The following NCKAP5 variants were observed in gnomAD, a reference collection of about 807,000 sequenced individuals.
NCKAP5 encodes the protein nck-associated protein 5.
A neutral mutation model predicts 167.0 loss-of-function variants in NCKAP5; 92 were observed. That is an observed-to-expected ratio of 0.55 (90% confidence interval 0.47 to 0.66). The LOEUF is 0.66. NCKAP5 is among the 30% of genes least tolerant of loss of function. NCKAP5 has a pLI of 0.00. For synonymous variants in NCKAP5, 891 were observed against 877.4 expected (o/e 1.02, Z -0.27); for missense variants, 2,378 against 2,315.0 (o/e 1.03, Z -0.56).
the NCKAP5 span, among the ~76,000 whole-genome samples, chr2:133,595,168 A>G: frequency 1.3e-5 from 2 of 152,204 alleles, no homozygotes; most frequent in Non-Finnish European, 2.9e-5. Flanking sequence ...AGTAAGGTCA[A>G]GAACAAAGAG....
rs536591263 is a variant in NCKAP5 at position 133,072,146 on chromosome 2, A to G, written c.341+57832T>C. ...GTTGCCCAGGCTGGAGTGCAATGGCATGATCTCGGCTCACTACAACCTCTG... is the reference window on the plus strand; with the variant it reads ...GTTGCCCAGGCTGGAGTGCAATGGCGTGATCTCGGCTCACTACAACCTCTG... On this transcript the variant is annotated intron_variant, in intron 6 of 19. Transcript: ENST00000409261. Among the ~76,000 whole-genome samples the G allele has an allele frequency of 1.3e-4, 19 of 150,514 alleles. No homozygotes were observed. In the South Asian group the frequency reaches 4.0e-3, roughly 32 times the overall value.
At chr2:133,348,518 A>T (rs1046657643) in intron 3 of NCKAP5, among the ~76,000 whole-genome samples, 16 of 152,140 alleles carry the variant, frequency 1.1e-4, no homozygotes, top group Non-Finnish European at 1.9e-4. Context: ...GCCCTACTAT[A>T]GCCAACATCA....
At chr2:133,201,185 C>T (rs1376195877) in intron 5 of NCKAP5, among the ~76,000 whole-genome samples, 5 of 152,240 alleles carry the variant, frequency 3.3e-5, no homozygotes, top group Non-Finnish European at 4.4e-5. Context: ...GTGACTACAG[C>T]GTGAATCTGC....
the NCKAP5 span, among the ~76,000 whole-genome samples, chr2:133,666,266 C>T: frequency 2.1e-5 from 3 of 146,128 alleles, no homozygotes; most frequent in Non-Finnish European, 3.0e-5. Context: ...GGCGCGATCT[C>T]GGCTCACTGC....
At chr2:133,194,433 TTTCCTGGC>T (rs1373467731) in intron 5 of NCKAP5, among the ~76,000 whole-genome samples, 1 of 152,086 alleles carries the variant, frequency 6.6e-6, no homozygotes, top group Admixed American at 6.6e-5. Flanking sequence ...AACAAGTCAG[TTTCCTGGC>T]TTCCTGACTT....
intron 6 of NCKAP5, among the ~76,000 whole-genome samples, chr2:133,096,704 T>G (rs1231197821): frequency 6.6e-6 from 1 of 152,050 alleles, no homozygotes; most frequent in Non-Finnish European, 1.5e-5. Context: ...AGGCCTCCCC[T>G]AGGTGGTGGA....
At chr2:133,496,393 A>G (rs753367575) in intron 3 of NCKAP5, among the ~76,000 whole-genome samples, 1 of 151,900 alleles carries the variant, frequency 6.6e-6, no homozygotes, top group Admixed American at 6.6e-5. Context: ...GCTCATGTTC[A>G]TCTCCCTTCC....
chr2:133,364,784 C>T (rs984771156), intron 3 of NCKAP5, among the ~76,000 whole-genome samples: 2 of 151,280 alleles, frequency 1.3e-5, no homozygotes, highest in African/African-American at 4.9e-5. Context: ...GACAGAGTCT[C>T]AATACTGTCA....
rs760045309 is a variant in NCKAP5 at position 133,044,559 on chromosome 2, A to C, written c.342-50320T>G. ...CACAAACAATAGATGGACCAAAAAA[A>C]ATTAAGTCTGGCAAAATCAAAACTT... On this transcript the variant is annotated intron_variant, in intron 6 of 19. Transcript: ENST00000409261. Among the ~76,000 whole-genome samples the C allele has an allele frequency of 2.2e-4, 34 of 152,292 alleles. 1 individual carries two copies. Among genetic ancestry groups the C allele is most frequent in the Admixed American group, 5.2e-4 (8 of 15,286 alleles).
chr2:132,771,777 G>A (rs1471088194), intron 16 of NCKAP5, among the ~76,000 whole-genome samples: 9 of 148,076 alleles, frequency 6.1e-5, no homozygotes, highest in African/African-American at 9.9e-5. Flanking sequence ...GGTTCACACC[G>A]TTCTCCTGCC....
intron 4 of NCKAP5, among the ~76,000 whole-genome samples, chr2:133,225,779 CTTTTTTTTTTTTT>C (rs1003972708): frequency 5.0e-5 from 2 of 39,732 alleles, no homozygotes; most frequent in South Asian, 7.7e-4. Flanking sequence ...ATGCCCTGTT[CTTTTTTTTTTTTT>C]TTTTTTTTTT....
intron 11 of NCKAP5, among the ~76,000 whole-genome samples, chr2:132,854,707 G>T (rs1689327800): frequency 6.6e-6 from 1 of 152,086 alleles, no homozygotes; most frequent in African/African-American, 2.4e-5. Context: ...TCCCTTTCAG[G>T]CTTAATTGTA....
intron 3 of NCKAP5, among the ~76,000 whole-genome samples, chr2:133,396,820 A>T (rs1441791695): frequency 6.6e-6 from 1 of 152,178 alleles, no homozygotes; most frequent in Non-Finnish European, 1.5e-5. Context: ...CTATATTGTC[A>T]TTATTATTAT....
Position 132,923,442 on chromosome 2 carries a change from A to G in NCKAP5, c.579+40278T>C, listed in dbSNP as rs1162625577. Among the ~76,000 whole-genome samples the G allele has an allele frequency of 3.9e-5, 6 of 152,236 alleles. No individual in the cohort carries two copies. The East Asian group carries it at 1.2e-3, about 29-fold the overall frequency. On this transcript the variant is annotated intron_variant, in intron 8 of 19. Transcript: ENST00000409261. ...AGCCTGCTTGCAAGGGGTCACAAATAGGGCAAATCACCAGCTTAACAACAT... is the reference window on the plus strand; with the variant it reads ...AGCCTGCTTGCAAGGGGTCACAAATGGGGCAAATCACCAGCTTAACAACAT...
chr2:133,407,192 A>G (rs1465187264), intron 3 of NCKAP5, among the ~76,000 whole-genome samples: 1 of 152,176 alleles, frequency 6.6e-6, no homozygotes, highest in African/African-American at 2.4e-5. Context: ...CTTGCAAGGG[A>G]GGAGGATCTT....
chr2:133,669,883 A>C, the NCKAP5 span, among the ~76,000 whole-genome samples: 1 of 152,228 alleles, frequency 6.6e-6, no homozygotes, highest in Non-Finnish European at 1.5e-5. Flanking sequence ...ATATTCAGCA[A>C]CCTTCAGCAA....
At chr2:133,274,910 C>A (rs573307923) in intron 4 of NCKAP5, among the ~76,000 whole-genome samples, 1 of 150,550 alleles carries the variant, frequency 6.6e-6, no homozygotes, top group Non-Finnish European at 1.5e-5. Flanking sequence ...TCATATCAGG[C>A]GGGGAAGTAT....
At chr2:133,156,535 G>T (rs1437766842) in intron 5 of NCKAP5, among the ~76,000 whole-genome samples, 1 of 152,020 alleles carries the variant, frequency 6.6e-6, no homozygotes, top group Non-Finnish European at 1.5e-5. Context: ...AATGTTTCCA[G>T]ACTCCAAATT....
At position 133,441,605 on chromosome 2, in the gene NCKAP5, G is replaced by A. The variant is rs147483396; in HGVS notation, c.69+75853C>T. ...TTTCAAAATCATTTAGAGATTCCAA[G>A]GAAGGGGTAGTGTGAACTCAGCAAC... On this transcript the variant is annotated intron_variant, in intron 3 of 19. Coordinates refer to ENST00000409261, the MANE Select transcript of NCKAP5 (RefSeq NM_207363.3). Among the ~76,000 whole-genome samples, 33 of 152,288 alleles carry A rather than the reference G, an allele frequency of 2.2e-4. 1 individual carries two copies. The East Asian group carries it at 6.2e-3, about 28-fold the overall frequency.
Sources: gnomAD v4.1 joint callset for allele counts (sites outside exome capture counted in the v4.1 genomes callset) on GRCh38, gnomAD v4.1.1 for gene constraint, MANE v1.5 for transcripts, NCBI Gene and HGNC (gene_info 2026-07-23, HGNC 2026-07-21) for gene names.